Variants in ALKBH6 observed in about 807,000 individuals in gnomAD.
The protein encoded by ALKBH6 is alkB homolog 6, nucleotide demethylase.
Under a neutral mutation model 25.1 loss-of-function variants are expected in ALKBH6, and 20 were observed. The ratio of observed to expected loss-of-function variants is 0.80; its 90% confidence interval spans 0.56 to 1.16. The LOEUF (loss-of-function observed/expected upper bound fraction) is 1.16, where lower values mean the gene tolerates loss of function less well. Among genes scored for constraint, ALKBH6 ranks in the 50% most tolerant of loss-of-function variants. ALKBH6 has a pLI of 0.00. For missense variants in ALKBH6, 263 were observed against 326.5 expected (o/e 0.81, Z 1.50); for synonymous variants, 156 against 147.5 (o/e 1.06, Z -0.42).
In ALKBH6 at chr19:36,010,489, A is replaced by C. The variant is rs1568534348; in HGVS notation, c.453+78T>G. The C allele has an allele frequency of 3.9e-6, 5 of 1,280,218 alleles. No homozygotes were observed. Among genetic ancestry groups the C allele is most frequent in the Non-Finnish European group, 5.6e-6 (5 of 891,108 alleles). The allele number at this position is 1,280,218 out of a possible 1,614,324, so 79.3% of individuals were successfully genotyped here. A position where few individuals can be genotyped will look rare whatever the true frequency, so the allele number is the denominator to read the frequency against. ...AGAGTGCCAGGAGTACCCCGAAGGCATGTGGGACCAGGTCATCTTGGAGGA... is the reference window on the plus strand; with the variant it reads ...AGAGTGCCAGGAGTACCCCGAAGGCCTGTGGGACCAGGTCATCTTGGAGGA... On this transcript the variant is annotated intron_variant, in intron 6 of 6. Coordinates refer to ENST00000378875, the MANE Select transcript of ALKBH6 (RefSeq NM_032878.5). The surrounding 1 kb of genome is among the most constrained non-coding windows in gnomAD (Gnocchi z 5.5).
Position 36,013,513 on chromosome 19 carries a change from C to A in ALKBH6, c.-25-91G>T. On this transcript the variant is annotated intron_variant, in intron 1 of 6. Coordinates refer to ENST00000378875, the MANE Select transcript of ALKBH6 (RefSeq NM_032878.5). The surrounding 1 kb of genome is among the most constrained non-coding windows in gnomAD (Gnocchi z 4.6). ...CCACCCCATCACAGGCCAGGCCTCA[C>A]CTCAGCCCTCTTCTGAAACGCACTT... 2.6e-6 allele frequency: 4 copies of A among 1,557,568 alleles called. No individual in the cohort carries two copies. Among genetic ancestry groups the A allele is most frequent in the Non-Finnish European group, 3.5e-6 (4 of 1,153,184 alleles).
Position 36,010,536 on chromosome 19 carries a change from C to T in ALKBH6, c.453+31G>A. 6.3e-7 allele frequency: 1 copy of T among 1,588,604 alleles called. No homozygotes were observed. The highest frequency in any genetic ancestry group is 8.6e-7 in the Non-Finnish European group (1 of 1,158,794). ...AGGATGTGCGAGGTTGAAGTGCCTA[C>T]AAGCAGCTGGGGCAGTGTCTGGGGG... is the stretch of plus-strand genomic sequence containing the variant. On this transcript the variant is annotated intron_variant, in intron 6 of 6. Transcript: ENST00000378875. The surrounding 1 kb of genome is among the most constrained non-coding windows in gnomAD (Gnocchi z 5.5).
chr19:36,009,120 G>A lies in ALKBH6; in HGVS notation c.*170C>T, dbSNP rs988374835. On this transcript the variant is annotated 3_prime_UTR_variant, in exon 7 of 7. Coordinates refer to ENST00000378875, the MANE Select transcript of ALKBH6 (RefSeq NM_032878.5). The stretch of plus-strand genomic sequence containing the variant: ...TAAAAAATAAAAATATAAAACCAAG[G>A]AAAGATTTTTTTGTTTATTTGGTAT... 3 of 1,178,296 alleles carry A rather than the reference G, an allele frequency of 2.5e-6. No individual in the cohort carries two copies. Among genetic ancestry groups the A allele is most frequent in the Non-Finnish European group, 3.2e-6 (3 of 939,422 alleles). 73.0% of individuals were successfully genotyped at this position (1,178,296 alleles called of 1,614,324 possible). A position where few individuals can be genotyped will look rare whatever the true frequency, so the allele number is the denominator to read the frequency against.
chr19:36,011,290 T>C, intron 4 of ALKBH6, 114 bp downstream of exon 4: 3 of 1,371,216 alleles, frequency 2.2e-6, no homozygotes, highest in Non-Finnish European at 3.0e-6. Context: ...CTCCTGGCTC[T>C]TGGGGCCCCT....
chr19:36,009,171 T>A lies in ALKBH6; in HGVS notation c.*119A>T, dbSNP rs1399035018. ...GGGGTCTTCTGTAGCTCACACAAAA[T>A]TATTGGGAAAATAAATAACCCAGGG... On this transcript the variant is annotated 3_prime_UTR_variant, in exon 7 of 7. Coordinates refer to ENST00000378875, the MANE Select transcript of ALKBH6 (RefSeq NM_032878.5). 12 of 1,202,008 alleles carry A rather than the reference T, an allele frequency of 1.0e-5. No homozygotes were observed. The highest frequency in any genetic ancestry group is 1.2e-5 in the Non-Finnish European group (12 of 961,700). 74.5% of individuals were successfully genotyped at this position (1,202,008 alleles called of 1,614,324 possible). A position where few individuals can be genotyped will look rare whatever the true frequency, so the allele number is the denominator to read the frequency against.
rs965807384 is a variant in ALKBH6, at chr19:36,013,689, C to T, written c.-25-267G>A. On this transcript the variant is annotated intron_variant, in intron 1 of 6. Coordinates refer to ENST00000378875, the MANE Select transcript of ALKBH6 (RefSeq NM_032878.5). This position sits in a 1 kb window ranked among gnomAD's most constrained non-coding sequence, Gnocchi z 4.6. ...TACACATATGCCTTCTCAATCCTCC[C>T]ACAGAGAACATTCTCTGGCCCCACA... 5 of 1,325,768 alleles carry T rather than the reference C, an allele frequency of 3.8e-6. No homozygotes were observed. The African/African-American group carries it at 7.5e-5, about 20-fold the overall frequency. The allele number at this position is 1,325,768 out of a possible 1,614,324, so 82.1% of individuals were successfully genotyped here.
At position 36,013,601 on chromosome 19, in the gene ALKBH6, C is replaced by A; in HGVS notation, c.-25-179G>T. The A allele has an allele frequency of 7.0e-7, 1 of 1,420,986 alleles. No homozygotes were observed. The highest frequency in any genetic ancestry group is 9.2e-7 in the Non-Finnish European group (1 of 1,089,532). The allele number at this position is 1,420,986 out of a possible 1,614,324, so 88.0% of individuals were successfully genotyped here. A position where few individuals can be genotyped will look rare whatever the true frequency, so the allele number is the denominator to read the frequency against. On this transcript the variant is annotated intron_variant, in intron 1 of 6. Transcript: ENST00000378875. This position sits in a 1 kb window ranked among gnomAD's most constrained non-coding sequence, Gnocchi z 4.6. ...ACACAGAGAGCCCCTACGTTCCATGCCCGGACACAATGAGCCCCAAGAATA... is the reference window on the plus strand; with the variant it reads ...ACACAGAGAGCCCCTACGTTCCATGACCGGACACAATGAGCCCCAAGAATA...
intron 3 of ALKBH6, 80 bp from the exon 4 acceptor site, chr19:36,011,544 T>G: frequency 1.5e-5 from 22 of 1,466,480 alleles, no homozygotes; most frequent in African/African-American, 1.1e-4. Flanking sequence ...ATAGGGGCCT[T>G]TACCTCCGGG....
chr19:36,009,603 G>T, intron 6 of ALKBH6, 50 bp from the exon 7 acceptor site: 6 of 1,137,600 alleles, frequency 5.3e-6, no homozygotes, highest in Non-Finnish European at 6.6e-6. Flanking sequence ...GGGGGGTGGG[G>T]GTGGGCGAGA....
chr19:36,010,350 T>C lies in ALKBH6; in HGVS notation c.453+217A>G. On this transcript the variant is annotated intron_variant, in intron 6 of 6. Transcript: ENST00000378875. The surrounding 1 kb of genome is among the most constrained non-coding windows in gnomAD (Gnocchi z 5.5). ...GGTATCCATTCAGCAGGTTGGGGCA[T>C]CGGGGAGCCTGTGAAAATCATGGCA... 1 of 587,256 alleles carries C rather than the reference T, an allele frequency of 1.7e-6. No homozygotes were observed. The highest frequency in any genetic ancestry group is 3.1e-6 in the Non-Finnish European group (1 of 326,794). The allele number at this position is 587,256 out of a possible 1,614,324, so 36.4% of individuals were successfully genotyped here.
At chr19:36,011,500 A>G (rs373876497) in intron 3 of ALKBH6, 36 bp from the exon 4 acceptor site, 22 of 1,610,368 alleles carry the variant, frequency 1.4e-5, no homozygotes, top group Non-Finnish European at 1.9e-5. Context: ...CTTTCTCAGG[A>G]TCACCCCTCT....
In ALKBH6 at chr19:36,014,153, C is replaced by G. The variant is rs755268349; in HGVS notation, c.-26+22G>C. ...AGCCCTATTGACATCCATCTCTACC[C>G]CCAGCACTCCCCAAAACTGACCGTC... On this transcript the variant is annotated intron_variant, in intron 1 of 6. Transcript: ENST00000378875. The G allele has an allele frequency of 3.7e-6, 6 of 1,612,058 alleles. No homozygotes were observed. The Admixed American group carries it at 8.4e-5, about 22-fold the overall frequency.
In ALKBH6 at chr19:36,014,199, T is replaced by C; in HGVS notation, c.-50A>G. On this transcript the variant is annotated 5_prime_UTR_variant, in exon 1 of 7. Coordinates refer to ENST00000378875, the MANE Select transcript of ALKBH6 (RefSeq NM_032878.5). ...CCGTCCACCAGCGTCCCCTCCAATT[T>C]CCAAATTCAACATCCCCATCCCCCT... is the stretch of plus-strand genomic sequence containing the variant. The C allele has an allele frequency of 1.2e-6, 2 of 1,611,662 alleles. No individual in the cohort carries two copies. The highest frequency in any genetic ancestry group is 1.7e-6 in the Non-Finnish European group (2 of 1,178,888).
At chr19:36,011,243 C>T in intron 4 of ALKBH6, 161 bp downstream of exon 4, 1 of 1,146,314 alleles carries the variant, frequency 8.7e-7, no homozygotes, top group Non-Finnish European at 1.2e-6. Context: ...CAGGAAATCC[C>T]TAATCCCTCA....
In ALKBH6 at chr19:36,011,462, A is replaced by C; in HGVS notation, c.126T>G (p.Val42=). The part of the protein sequence containing the change: ...KEEEEYLLRQ[V]FNAPKPKWTQ... ...TCCACTTTGGCTTTGGGGCATTAAAAACCTAAGAGGTGGGAAGGGGGTCAC... is the reference window on the plus strand; with the variant it reads ...TCCACTTTGGCTTTGGGGCATTAAACACCTAAGAGGTGGGAAGGGGGTCAC... The change falls in exon 4 of 7, where the codon GTT becomes GTG. Residue 42 remains valine (V), a splice_region_variant and synonymous_variant. Coordinates refer to ENST00000378875, the MANE Select transcript of ALKBH6 (RefSeq NM_032878.5). 6.2e-7 allele frequency: 1 copy of C among 1,613,520 alleles called. No homozygotes were observed. Among genetic ancestry groups the C allele is most frequent in the East Asian group, 2.2e-5 (1 of 44,870 alleles).
chr19:36,010,084 C>T lies in ALKBH6; in HGVS notation c.453+483G>A, dbSNP rs1244784686. ...CGAGGGCAAGCCTCAAGGAGTGGGT[C>T]GGCGTGTTCAGGGGCGTTTCTGTGA... On this transcript the variant is annotated intron_variant, in intron 6 of 6. Coordinates refer to ENST00000378875, the MANE Select transcript of ALKBH6 (RefSeq NM_032878.5). The surrounding 1 kb of genome is among the most constrained non-coding windows in gnomAD (Gnocchi z 5.5). Among the ~76,000 whole-genome samples the T allele has an allele frequency of 6.6e-6, 1 of 152,040 alleles. No individual in the cohort carries two copies. Among genetic ancestry groups the T allele is most frequent in the Non-Finnish European group, 1.5e-5 (1 of 67,998 alleles).
At chr19:36,009,828 A>G (rs1968542208) in intron 6 of ALKBH6, among the ~76,000 whole-genome samples, 2 of 151,060 alleles carry the variant, frequency 1.3e-5, no homozygotes, top group South Asian at 4.2e-4. Flanking sequence ...GGCCGGTGGG[A>G]GCTGCAGCTG....
Position 36,013,684 on chromosome 19 carries a change from C to T in ALKBH6, c.-25-262G>A. Reference sequence around the variant, plus strand: ...CCAACTACACATATGCCTTCTCAATCCTCCCACAGAGAACATTCTCTGGCC... The same window carrying T: ...CCAACTACACATATGCCTTCTCAATTCTCCCACAGAGAACATTCTCTGGCC... On this transcript the variant is annotated intron_variant, in intron 1 of 6. Coordinates refer to ENST00000378875, the MANE Select transcript of ALKBH6 (RefSeq NM_032878.5). The surrounding 1 kb of genome is among the most constrained non-coding windows in gnomAD (Gnocchi z 4.6). 7.5e-7 allele frequency: 1 copy of T among 1,329,998 alleles called. No homozygotes were observed. The highest frequency in any genetic ancestry group is 9.6e-7 in the Non-Finnish European group (1 of 1,037,582). 82.4% of individuals were successfully genotyped at this position (1,329,998 alleles called of 1,614,324 possible). A position where few individuals can be genotyped will look rare whatever the true frequency, so the allele number is the denominator to read the frequency against.
Position 36,010,605 on chromosome 19 carries a change from C to A in ALKBH6, c.415G>T (p.Glu139Ter). 1 of 1,614,010 alleles carries A rather than the reference C, an allele frequency of 6.2e-7. No individual in the cohort carries two copies. Among genetic ancestry groups the A allele is most frequent in the Non-Finnish European group, 8.5e-7 (1 of 1,179,932 alleles). The change falls in exon 6 of 7, where the codon GAG becomes TAG. Residue 139 changes from glutamate to a stop codon, truncating the protein, a stop_gained. Transcript: ENST00000378875. LOFTEE classifies it high-confidence loss of function. This position sits in a 1 kb window ranked among gnomAD's most constrained non-coding sequence, Gnocchi z 5.5. Reference protein sequence around the residue: ...LGSHTVLDFYEPRRPEDDDPT... With the variant: ...LGSHTVLDFY ...TCATCGTCCTCTGGCCGCCGCGGCT[C>A]GTAGAAGTCCAGCACGGTGTGGGAG...
Sources: gnomAD v4.1 joint callset for allele counts (sites outside exome capture counted in the v4.1 genomes callset) on GRCh38, gnomAD v4.1.1 for gene constraint, Gnocchi (gnomAD v3.1) non-coding constraint, MANE v1.5 for transcripts, NCBI Gene and HGNC (gene_info 2026-07-23, HGNC 2026-07-21) for gene names.